ITGA1: variants seen among roughly 807,000 people sequenced by gnomAD.
ITGA1 encodes the protein integrin alpha-1.
A neutral mutation model predicts 145.9 loss-of-function variants in ITGA1; 85 were observed. The observed-to-expected ratio is 0.58, with a 90% CI of 0.49 to 0.70. ITGA1 has a LOEUF of 0.70. ITGA1 is among the 30% of genes least tolerant of loss of function. The probability of loss-of-function intolerance (pLI) is 0.00; values close to 1 mark genes in which losing one functional copy is unlikely to be tolerated. For synonymous variants in ITGA1, 520 were observed against 495.3 expected (o/e 1.05, Z -0.66); for missense variants, 1,351 against 1,418.7 (o/e 0.95, Z 0.77).
At chr5:52,888,380 T>G (rs1175909337) in intron 8 of ITGA1, among the ~76,000 whole-genome samples, 1 of 152,178 alleles carries the variant, frequency 6.6e-6, no homozygotes, top group Admixed American at 6.5e-5. Flanking sequence ...ATTTGTTCAG[T>G]ATAACAAGAG....
At chr5:52,936,301 T>A (rs1280217694) in intron 23 of ITGA1, among the ~76,000 whole-genome samples, 1 of 152,114 alleles carries the variant, frequency 6.6e-6, no homozygotes, top group Admixed American at 6.6e-5. Context: ...TAACTGAATA[T>A]CAGGAAACAG....
At chr5:52,912,504 ACTATAG>A in intron 14 of ITGA1, among the ~76,000 whole-genome samples, 1 of 121,432 alleles carries the variant, frequency 8.2e-6, no homozygotes, top group East Asian at 2.2e-4. Flanking sequence ...TAGTGTATCC[ACTATAG>A]GTATTATATA....
chr5:52,791,011 A>G (rs1359114435), intron 1 of ITGA1, among the ~76,000 whole-genome samples: 1 of 152,130 alleles, frequency 6.6e-6, no homozygotes, highest in South Asian at 2.1e-4. Context: ...CAGCCTTCCA[A>G]ACTGGGTTTA....
chr5:52,914,205 G>A (rs536253303), intron 14 of ITGA1, among the ~76,000 whole-genome samples: 90 of 152,270 alleles, frequency 5.9e-4, no homozygotes, highest in South Asian at 1.0e-3. Context: ...CTGGCAAAAT[G>A]TTTTTCCAAG....
At chr5:52,898,052 A>T (rs557156451) in intron 10 of ITGA1, among the ~76,000 whole-genome samples, 187 bp from the exon 11 acceptor site, 61 of 152,236 alleles carry the variant, frequency 4.0e-4, no homozygotes, top group Non-Finnish European at 7.1e-4. Flanking sequence ...TTGTGCCTTG[A>T]TTTCCTTTTC....
At chr5:52,859,441 A>AT (rs1191685079) in intron 2 of ITGA1, among the ~76,000 whole-genome samples, 3 of 152,180 alleles carry the variant, frequency 2.0e-5, no homozygotes. Context: ...GGGTTTGAGC[A>AT]TTTTTGTAGT....
At chr5:52,827,662 CAG>C (rs1318541067) in intron 1 of ITGA1, among the ~76,000 whole-genome samples, 1 of 152,076 alleles carries the variant, frequency 6.6e-6, no homozygotes, top group Non-Finnish European at 1.5e-5. Flanking sequence ...GAGAAATTGC[CAG>C]AGCCACTGCA....
At chr5:52,796,288 T>TA (rs932312285) in intron 1 of ITGA1, among the ~76,000 whole-genome samples, 1 of 151,754 alleles carries the variant, frequency 6.6e-6, no homozygotes, top group Non-Finnish European at 1.5e-5. Context: ...AGCAACAAAT[T>TA]AAAAACTTTT....
At chr5:52,798,122 A>T (rs2111655251) in intron 1 of ITGA1, among the ~76,000 whole-genome samples, 1 of 152,344 alleles carries the variant, frequency 6.6e-6, no homozygotes, top group East Asian at 1.9e-4. Context: ...TTTAAAATAC[A>T]GTGTCCTTTG....
Position 52,955,536 on chromosome 5 carries a change from T to G in ITGA1, c.*3085T>G, listed in dbSNP as rs1751292409. The G allele has an allele frequency of 6.6e-6, 1 of 152,192 alleles. No individual in the cohort carries two copies. The highest frequency in any genetic ancestry group is 1.5e-5 in the Non-Finnish European group (1 of 68,036). The allele number at this position is 152,192 out of a possible 1,614,324, so 9.4% of individuals were successfully genotyped here. On this transcript the variant is annotated 3_prime_UTR_variant, in exon 29 of 29. Transcript: ENST00000282588. ...GCACCCATTCTTTAATTTTGATTTC[T>G]AAAATTATAACCTTCCTTTGATATT... is the stretch of plus-strand genomic sequence containing the variant.
intron 1 of ITGA1, chr5:52,800,663 A>G: frequency 6.2e-7 from 1 of 1,614,180 alleles, no homozygotes; most frequent in Non-Finnish European, 8.5e-7. Flanking sequence ...AACATCCAAG[A>G]GAATGAGTAT....
At chr5:52,792,322 A>G (rs757658169) in intron 1 of ITGA1, among the ~76,000 whole-genome samples, 8 of 152,176 alleles carry the variant, frequency 5.3e-5, no homozygotes, top group Non-Finnish European at 1.2e-4. Flanking sequence ...AATGACTCCC[A>G]ATGGCAGACA....
At chr5:52,932,228 C>A in intron 22 of ITGA1, 92 bp downstream of exon 22, 1 of 721,088 alleles carries the variant, frequency 1.4e-6, no homozygotes, top group East Asian at 2.7e-5. Flanking sequence ...GCATCAGCAT[C>A]ACCTGGAAAC....
chr5:52,904,302 AG>A, intron 11 of ITGA1: 1 of 152,380 alleles, frequency 6.6e-6, no homozygotes, highest in Middle Eastern at 3.4e-3. Context: ...CTCTGTTTAC[AG>A]GGCTCATGGT....
intron 19 of ITGA1, among the ~76,000 whole-genome samples, chr5:52,926,364 A>G (rs1383835633): frequency 6.6e-6 from 1 of 152,142 alleles, no homozygotes; most frequent in Non-Finnish European, 1.5e-5. Context: ...GCACTTTGGG[A>G]GACCGAGGCG....
intron 6 of ITGA1, among the ~76,000 whole-genome samples, chr5:52,880,641 C>T (rs1420682944): frequency 3.3e-5 from 5 of 152,294 alleles, no homozygotes; most frequent in African/African-American, 1.2e-4. Flanking sequence ...ATAGGATTTG[C>T]TCTAAAGCAA....
intron 23 of ITGA1, among the ~76,000 whole-genome samples, chr5:52,934,851 A>C (rs1750942459): frequency 6.6e-6 from 1 of 151,896 alleles, no homozygotes; most frequent in Admixed American, 6.6e-5. Context: ...CCCAAGATTA[A>C]TTTCATTTTT....
At chr5:52,947,613 T>C (rs1053828704) in intron 28 of ITGA1, 152 bp downstream of exon 28, 31 of 605,920 alleles carry the variant, frequency 5.1e-5, no homozygotes, top group Admixed American at 2.4e-4. Flanking sequence ...AAAAGAAAAA[T>C]GCGTATTTCA....
intron 1 of ITGA1, chr5:52,801,192 G>C (rs1334915141): frequency 7.1e-7 from 1 of 1,416,368 alleles, no homozygotes; most frequent in South Asian, 1.4e-5. Context: ...TAAAGTTTTA[G>C]AACTGGGAAA....
Sources: allele counts gnomAD v4.1 joint callset (sites outside exome capture counted in the v4.1 genomes callset), GRCh38; gene constraint gnomAD v4.1.1; transcripts MANE v1.5; gene names NCBI Gene and HGNC (gene_info 2026-07-23, HGNC 2026-07-21).